The following JMJD1C variants were observed in gnomAD, a reference collection of about 807,000 sequenced individuals.
JMJD1C encodes jumonji domain-containing protein 1C.
In JMJD1C, 31 loss-of-function variants were observed where a neutral mutation model predicts 245.3. That is an observed-to-expected ratio of 0.13 (90% CI 0.09 to 0.17). The LOEUF is 0.17. JMJD1C is among the 10% of genes least tolerant of loss of function. The probability of loss-of-function intolerance (pLI) is 1.00; values close to 1 mark genes in which losing one functional copy is unlikely to be tolerated. For missense variants in JMJD1C, 2,691 were observed against 3,000.2 expected (o/e 0.90, Z 2.41); for synonymous variants, 1,057 against 1,017.4 (o/e 1.04, Z -0.74).
At chr10:63,459,362 G>C (rs2133077019) in intron 1 of JMJD1C, among the ~76,000 whole-genome samples, 1 of 152,246 alleles carries the variant, frequency 6.6e-6, no homozygotes, top group South Asian at 2.1e-4. Context: ...GTATAAACTA[G>C]GGTTTATGAT....
chr10:63,248,083 C>T (rs1012613080), intron 3 of JMJD1C, among the ~76,000 whole-genome samples: 14 of 152,058 alleles, frequency 9.2e-5, no homozygotes, highest in Non-Finnish European at 1.8e-4. Flanking sequence ...CAGAAATTAG[C>T]TGGGTGTGGT....
Position 63,167,434 on chromosome 10 carries a change from TTAAA to T in JMJD1C, c.*607_*610del, listed in dbSNP as rs1393228227. The T allele has an allele frequency of 6.6e-6, 1 of 152,626 alleles. No individual in the cohort carries two copies. Among genetic ancestry groups the T allele is most frequent in the South Asian group, 2.1e-4 (1 of 4,834 alleles). 9.5% of individuals were successfully genotyped at this position (152,626 alleles called of 1,614,324 possible). Reference sequence around the variant, plus strand: ...TAAATTTTACCAAAATGAGACAATTTTAAATAAATTACACCTTTTGAAAATGTTT... The same window carrying T: ...TAAATTTTACCAAAATGAGACAATTTTAAATTACACCTTTTGAAAATGTTT... On this transcript the variant is annotated 3_prime_UTR_variant, in exon 26 of 26. Transcript: ENST00000399262.
chr10:63,296,026 T>TTTTTTTC (rs1491140598), intron 2 of JMJD1C, among the ~76,000 whole-genome samples: 1 of 133,416 alleles, frequency 7.5e-6, no homozygotes, highest in Non-Finnish European at 1.6e-5. Flanking sequence ...TTTTTTTTTT[T>TTTTTTTC]CTTAGATGGA....
intron 1 of JMJD1C, among the ~76,000 whole-genome samples, chr10:63,483,248 G>A (rs1953883632): frequency 6.6e-6 from 1 of 152,194 alleles, no homozygotes. Context: ...GTCAGTTACA[G>A]ATAAAGTATG....
At chr10:63,504,331 G>A (rs1206644386) in intron 1 of JMJD1C, among the ~76,000 whole-genome samples, 1 of 152,172 alleles carries the variant, frequency 6.6e-6, no homozygotes, top group African/African-American at 2.4e-5. Flanking sequence ...GTACAATGCA[G>A]AGAACTGCAA....
chr10:63,195,353 C>A (rs1481425407), intron 13 of JMJD1C, among the ~76,000 whole-genome samples: 240 of 109,508 alleles, frequency 2.2e-3, no homozygotes, highest in Middle Eastern at 4.6e-3. Context: ...GACACCATCT[C>A]AAAAAAAAAA....
At chr10:63,236,833 G>C (rs1394014159) in intron 3 of JMJD1C, among the ~76,000 whole-genome samples, 2 of 151,770 alleles carry the variant, frequency 1.3e-5, no homozygotes, top group Admixed American at 1.3e-4. Flanking sequence ...TAATACTGAG[G>C]CTGGGCATGG....
intron 2 of JMJD1C, among the ~76,000 whole-genome samples, chr10:63,348,564 C>T (rs1944053460): frequency 6.6e-6 from 1 of 152,116 alleles, no homozygotes; most frequent in Non-Finnish European, 1.5e-5. Flanking sequence ...GTCACCTTAT[C>T]TGCAAAATGG....
chr10:63,274,906 A>G (rs1856639147), intron 2 of JMJD1C, among the ~76,000 whole-genome samples: 1 of 152,088 alleles, frequency 6.6e-6, no homozygotes, highest in Non-Finnish European at 1.5e-5. Context: ...ATCAAGCAGC[A>G]ATCATACAAG....
At position 63,214,504 on chromosome 10, in the gene JMJD1C, C is replaced by T. The variant is rs1459202970; in HGVS notation, c.1663G>A (p.Glu555Lys). ...KHSIANAKFL[E>K]TAKKDSDQSW... is the part of the protein sequence containing the mutation. The stretch of plus-strand genomic sequence containing the variant: ...TGGTCAGAATCTTTTTTTGCTGTTT[C>T]CAAGAATTTTGCATTTGCAATAGAG... The change falls in exon 8 of 26, where the codon GAA (glutamate) becomes AAA (lysine). Residue 555 changes from glutamate to lysine, a missense_variant. Glu to Lys is a moderately conservative substitution (Grantham distance 56, BLOSUM62 1). This residue lies in a region of JMJD1C where 1,562 missense variants were observed against 1,490.7 expected (regional missense o/e 1.05). Coordinates refer to ENST00000399262, the MANE Select transcript of JMJD1C (RefSeq NM_032776.3). The T allele has an allele frequency of 1.2e-6, 2 of 1,613,640 alleles. No individual in the cohort carries two copies. The highest frequency in any genetic ancestry group is 8.5e-7 in the Non-Finnish European group (1 of 1,179,890).
At chr10:63,255,261 ATATT>A (rs1564690957) in intron 3 of JMJD1C, among the ~76,000 whole-genome samples, 1 of 152,074 alleles carries the variant, frequency 6.6e-6, no homozygotes, top group Non-Finnish European at 1.5e-5. Flanking sequence ...TCTCTTCCTT[ATATT>A]TATTTCTTCT....
At chr10:63,182,574 C>G (rs1843619516) in intron 22 of JMJD1C, among the ~76,000 whole-genome samples, 1 of 152,164 alleles carries the variant, frequency 6.6e-6, no homozygotes. Context: ...TCATCTTAGA[C>G]TCTGCTTCTA....
Position 63,340,539 on chromosome 10 carries a change from A to T in JMJD1C, c.333+39779T>A, listed in dbSNP as rs530489395. Among the ~76,000 whole-genome samples, 48 of 152,374 alleles carry T rather than the reference A, an allele frequency of 3.2e-4. No homozygotes were observed. In the South Asian group the frequency reaches 9.9e-3, roughly 32 times the overall value. On this transcript the variant is annotated intron_variant, in intron 2 of 25. Transcript: ENST00000399262. The stretch of plus-strand genomic sequence containing the variant: ...AAAAAGAGAGAAGGCATTTATGTTT[A>T]TATCACAGAAAGTCAAGTTGTTAGA...
intron 10 of JMJD1C, chr10:63,202,947 T>C (rs768136646): frequency 1.4e-4 from 140 of 983,282 alleles, no homozygotes; most frequent in Non-Finnish European, 1.7e-4. Flanking sequence ...TATATGCCTT[T>C]AATTCCAGAT....
At chr10:63,276,850 C>G (rs560977101) in intron 2 of JMJD1C, among the ~76,000 whole-genome samples, 22 of 147,850 alleles carry the variant, frequency 1.5e-4, no homozygotes, top group African/African-American at 5.5e-4. Flanking sequence ...GCTTATACAG[C>G]ATCTGAAGCT....
intron 21 of JMJD1C, 94 bp from the exon 22 acceptor site, chr10:63,183,663 TTAATTG>T (rs1465101220): frequency 2.9e-6 from 2 of 679,472 alleles, no homozygotes; most frequent in Non-Finnish European, 4.5e-6. Flanking sequence ...TCTGCATAAT[TTAATTG>T]TAATTTGAGT....
chr10:63,194,672 C>A, intron 13 of JMJD1C: 1 of 259,548 alleles, frequency 3.9e-6, no homozygotes, highest in East Asian at 7.7e-5. Context: ...TTAGTGACCT[C>A]TATCTTTGTA....
At chr10:63,362,235 TAA>T (rs10637662) in intron 2 of JMJD1C, among the ~76,000 whole-genome samples, 22 of 131,150 alleles carry the variant, frequency 1.7e-4, no homozygotes, top group Admixed American at 3.8e-4. Flanking sequence ...ACTGCATCTC[TAA>T]AAAAAAAAAA....
intron 2 of JMJD1C, among the ~76,000 whole-genome samples, chr10:63,337,850 GA>G (rs2134209308): frequency 6.6e-6 from 1 of 152,228 alleles, no homozygotes; most frequent in Non-Finnish European, 1.5e-5. Flanking sequence ...ACTATAGTAA[GA>G]AATCTCTTCG....
Sources: gnomAD v4.1 joint callset for allele counts (sites outside exome capture counted in the v4.1 genomes callset) on GRCh38, gnomAD v4.1.1 for gene constraint, gnomAD v4.1.1 regional missense constraint, MANE v1.5 for transcripts, NCBI Gene and HGNC (gene_info 2026-07-23, HGNC 2026-07-21) for gene names.